The following DHX8 variants were observed in gnomAD, a reference collection of about 807,000 sequenced individuals.
DHX8 encodes the protein ATP-dependent RNA helicase DHX8.
Under a neutral mutation model 140.7 loss-of-function variants are expected in DHX8, and 67 were observed. That is an observed-to-expected ratio of 0.48 (90% CI 0.39 to 0.58). The LOEUF (loss-of-function observed/expected upper bound fraction) is 0.58, where lower values mean the gene tolerates loss of function less well. Ranked by LOEUF, DHX8 falls within the 20% of genes least tolerant of loss-of-function variation. The pLI is 0.00. For missense variants in DHX8, 887 were observed against 1,550.7 expected (o/e 0.57, Z 7.19); for synonymous variants, 533 against 553.2 (o/e 0.96, Z 0.51).
chr17:43,524,466 G>A lies in DHX8; in HGVS notation c.*619G>A, dbSNP rs930712291. 2.6e-5 allele frequency: 26 copies of A among 987,146 alleles called. No individual in the cohort carries two copies. Among genetic ancestry groups the A allele is most frequent in the Non-Finnish European group, 2.8e-5 (23 of 831,312 alleles). The allele number at this position is 987,146 out of a possible 1,614,324, so 61.1% of individuals were successfully genotyped here. A position where few individuals can be genotyped will look rare whatever the true frequency, so the allele number is the denominator to read the frequency against. On this transcript the variant is annotated 3_prime_UTR_variant, in exon 23 of 23. Coordinates refer to ENST00000262415, the MANE Select transcript of DHX8 (RefSeq NM_004941.3). The stretch of plus-strand genomic sequence containing the variant: ...AAACCAGAACGCAGGGCCTCTTTGC[G>A]CTCGGAAACGACGTACAACCCAGAC...
chr17:43,542,223 A>G (rs1187014826), intron 3 of DHX8, among the ~76,000 whole-genome samples: 1 of 152,128 alleles, frequency 6.6e-6, no homozygotes, highest in African/African-American at 2.4e-5. Context: ...CTTCCTAAAA[A>G]AATCCATACA....
chr17:43,530,016 A>AGAGGGAC, downstream of DHX8: 4 of 1,608,220 alleles, frequency 2.5e-6, no homozygotes, highest in Non-Finnish European at 3.4e-6. Context: ...CAGAGAGTCC[A>AGAGGGAC]GAGGGACTCC....
At chr17:43,503,971 G>A (rs1359037640) in intron 11 of DHX8, among the ~76,000 whole-genome samples, 1 of 152,006 alleles carries the variant, frequency 6.6e-6, no homozygotes, top group East Asian at 1.9e-4. Context: ...CAGCACTTTG[G>A]GAGGCCAAGG....
chr17:43,508,033 G>A lies in DHX8; in HGVS notation c.2320+14G>A, dbSNP rs368826853. 9.2e-5 allele frequency: 148 copies of A among 1,609,700 alleles called. No individual in the cohort carries two copies. Among genetic ancestry groups the A allele is most frequent in the Admixed American group, 1.7e-4 (10 of 59,434 alleles). On this transcript the variant is annotated intron_variant, in intron 15 of 22. Coordinates refer to ENST00000262415, the MANE Select transcript of DHX8 (RefSeq NM_004941.3). Reference sequence around the variant, plus strand: ...CAGAACCACCAGGTAAGGGGAAAAAGCAATTTTCCTTTTTGGGAGGCCTAA... The same window carrying A: ...CAGAACCACCAGGTAAGGGGAAAAAACAATTTTCCTTTTTGGGAGGCCTAA...
intron 8 of DHX8, among the ~76,000 whole-genome samples, chr17:43,494,573 T>C (rs1324299348): frequency 6.6e-6 from 1 of 151,246 alleles, no homozygotes; most frequent in African/African-American, 2.4e-5. Flanking sequence ...TACAAAAAAT[T>C]AGCCGGGCGT....
intron 4 of DHX8, among the ~76,000 whole-genome samples, chr17:43,491,502 A>G (rs1052266509): frequency 9.2e-5 from 14 of 151,914 alleles, no homozygotes; most frequent in Non-Finnish European, 1.9e-4. Context: ...AGGTTCTGGA[A>G]CAGATGCCTA....
In DHX8 at chr17:43,484,077, T is replaced by C. The variant is rs1029691135; in HGVS notation, c.40T>C (p.Ser14Pro). The change falls in exon 1 of 23, where the codon TCG (serine) becomes CCG (proline). Residue 14 changes from serine to proline, a missense_variant. Transcript: ENST00000262415. Reference sequence around the variant, plus strand: ...AGCCATGGCGGGAGCCTTAATCGGGTCGGAGCCAGGCCCCGCGGAAGAACT... The same window carrying C: ...AGCCATGGCGGGAGCCTTAATCGGGCCGGAGCCAGGCCCCGCGGAAGAACT... ...AVAMAGALIG[S>P]EPGPAEELAK... The C allele has an allele frequency of 7.4e-6, 12 of 1,613,954 alleles. No individual in the cohort carries two copies. In the African/African-American group the frequency reaches 1.6e-4, roughly 22 times the overall value.
At chr17:43,500,697 G>A (rs1389274453) in intron 11 of DHX8, among the ~76,000 whole-genome samples, 1 of 152,000 alleles carries the variant, frequency 6.6e-6, no homozygotes. Context: ...CGGATCACAA[G>A]GTCAGGAGAT....
downstream of DHX8, chr17:43,529,986 G>A (rs377679946): frequency 2.5e-5 from 40 of 1,613,746 alleles, no homozygotes; most frequent in Non-Finnish European, 3.3e-5. Context: ...CTCAGATCTG[G>A]GGGTTCACCG....
At chr17:43,502,737 T>G (rs1598145676) in intron 11 of DHX8, among the ~76,000 whole-genome samples, 1 of 152,298 alleles carries the variant, frequency 6.6e-6, no homozygotes, top group East Asian at 1.9e-4. Context: ...GTCTCTATTT[T>G]AAAATTAAAT....
intron 9 of DHX8, 55 bp downstream of exon 9, chr17:43,496,323 G>A: frequency 7.6e-7 from 1 of 1,307,342 alleles, no homozygotes; most frequent in South Asian, 1.2e-5. Flanking sequence ...CATTGAATTG[G>A]GTGATTTGCC....
intron 2 of DHX8, among the ~76,000 whole-genome samples, chr17:43,534,382 T>G (rs1463341889): frequency 6.6e-6 from 1 of 151,942 alleles, no homozygotes; most frequent in Non-Finnish European, 1.5e-5. Flanking sequence ...TAGTCCCAGC[T>G]ACTCAGGAGG....
chr17:43,498,745 C>A, intron 9 of DHX8, 117 bp from the exon 10 acceptor site: 1 of 749,492 alleles, frequency 1.3e-6, no homozygotes, highest in Non-Finnish European at 2.1e-6. Context: ...CACCATGCCC[C>A]ACCAGGGGAA....
At chr17:43,490,899 G>A (rs533784589) in intron 3 of DHX8, among the ~76,000 whole-genome samples, 4 of 151,898 alleles carry the variant, frequency 2.6e-5, no homozygotes, top group South Asian at 4.2e-4. Context: ...AATTTCAAAC[G>A]ACTTAAGACA....
chr17:43,526,113 T>C, downstream of DHX8: 3 of 985,324 alleles, frequency 3.0e-6, no homozygotes, highest in Non-Finnish European at 3.6e-6. Flanking sequence ...GCAGCTGAGC[T>C]GAGCCTGCTC....
chr17:43,544,103 G>A (rs1028855328), intron 3 of DHX8: 3 of 152,156 alleles, frequency 2.0e-5, no homozygotes, highest in African/African-American at 7.2e-5. Flanking sequence ...TAAGATGGGG[G>A]TAGTTAACCC....
At chr17:43,520,594 AAAC>A (rs1273045634) in intron 19 of DHX8, among the ~76,000 whole-genome samples, 154 bp from the exon 20 acceptor site, 2 of 152,250 alleles carry the variant, frequency 1.3e-5, no homozygotes, top group East Asian at 3.8e-4. Flanking sequence ...GGAAAAGAAT[AAAC>A]AACAGCATTC....
At chr17:43,491,627 T>C (rs1337443007) in intron 4 of DHX8, among the ~76,000 whole-genome samples, 2 of 152,176 alleles carry the variant, frequency 1.3e-5, no homozygotes, top group African/African-American at 2.4e-5. Context: ...ACTTACTGTA[T>C]GCCAAACACT....
intron 3 of DHX8, among the ~76,000 whole-genome samples, chr17:43,540,120 C>T (rs1299145000): frequency 1.3e-5 from 2 of 152,192 alleles, no homozygotes; most frequent in African/African-American, 4.8e-5. Flanking sequence ...CAACCATTCC[C>T]AAACTGGCCT....
Sources: allele counts gnomAD v4.1 joint callset (sites outside exome capture counted in the v4.1 genomes callset), GRCh38; gene constraint gnomAD v4.1.1; transcripts MANE v1.5; gene names NCBI Gene and HGNC (gene_info 2026-07-23, HGNC 2026-07-21).